The following DTNBP1 variants were observed in gnomAD, a reference collection of about 807,000 sequenced individuals.
DTNBP1 encodes dysbindin.
Under a neutral mutation model 42.8 loss-of-function variants are expected in DTNBP1, and 35 were observed. That is an observed-to-expected ratio of 0.82 (90% CI 0.63 to 1.09). The LOEUF is 1.09. Among genes scored for constraint, DTNBP1 ranks in the 50% least tolerant of loss-of-function variants. The probability of loss-of-function intolerance (pLI) is 0.00; values close to 1 mark genes in which losing one functional copy is unlikely to be tolerated. For missense variants in DTNBP1, 457 were observed against 424.2 expected (o/e 1.08, Z -0.68); for synonymous variants, 171 against 162.2 (o/e 1.05, Z -0.41).
Position 15,552,972 on chromosome 6 carries a change from C to A in DTNBP1, c.512-19577G>T, listed in dbSNP as rs147036353. 1.4e-3 allele frequency among the ~76,000 whole-genome samples: 213 copies of A among 152,210 alleles called. 1 individual carries two copies. The highest frequency in any genetic ancestry group is 4.9e-3 in the African/African-American group (202 of 41,546). Reference sequence around the variant, plus strand: ...AAGAGGGTATAAGATTCAGGAAATACCCCCTTAAGGAAAAAGTTTCATCTA... The same window carrying A: ...AAGAGGGTATAAGATTCAGGAAATAACCCCTTAAGGAAAAAGTTTCATCTA... On this transcript the variant is annotated intron_variant, in intron 7 of 9. Transcript: ENST00000344537.
intron 1 of DTNBP1, among the ~76,000 whole-genome samples, chr6:15,657,742 T>C (rs947189222): frequency 5.9e-5 from 9 of 152,226 alleles, no homozygotes; most frequent in African/African-American, 1.9e-4. Flanking sequence ...GTACCTAAAA[T>C]AGTGCCTGCC....
At chr6:15,629,543 C>T (rs1433260195) in intron 4 of DTNBP1, among the ~76,000 whole-genome samples, 1 of 146,544 alleles carries the variant, frequency 6.8e-6, no homozygotes, top group East Asian at 1.9e-4. Context: ...TCAGAAAACA[C>T]TAAACTATCA....
At chr6:15,626,137 A>G (rs1483683064) in intron 5 of DTNBP1, among the ~76,000 whole-genome samples, 1 of 152,148 alleles carries the variant, frequency 6.6e-6, no homozygotes, top group Non-Finnish European at 1.5e-5. Flanking sequence ...GGATATCATC[A>G]ATGTGGTTGG....
intron 1 of DTNBP1, among the ~76,000 whole-genome samples, chr6:15,654,575 T>C (rs1039532646): frequency 6.6e-6 from 1 of 152,156 alleles, no homozygotes; most frequent in African/African-American, 2.4e-5. Context: ...TTAATTGTAA[T>C]ATGCCAAGTT....
intron 6 of DTNBP1, among the ~76,000 whole-genome samples, chr6:15,610,097 T>A (rs1249952058): frequency 6.6e-6 from 1 of 152,132 alleles, no homozygotes; most frequent in African/African-American, 2.4e-5. Flanking sequence ...TGTGTTAGAG[T>A]CAAGTCTGGA....
At chr6:15,524,139 G>A (rs1415141768) in intron 9 of DTNBP1, 8 of 1,386,194 alleles carry the variant, frequency 5.8e-6, no homozygotes, top group Admixed American at 4.3e-5. Context: ...GCCCCTAAAT[G>A]CCTGTCGCAC....
intron 6 of DTNBP1, among the ~76,000 whole-genome samples, chr6:15,600,953 C>A (rs1776705261): frequency 6.6e-6 from 1 of 152,114 alleles, no homozygotes; most frequent in South Asian, 2.1e-4. Context: ...TTATGGCTGG[C>A]AGATGAGCCA....
At chr6:15,608,679 G>A (rs1561988523) in intron 6 of DTNBP1, among the ~76,000 whole-genome samples, 1 of 152,186 alleles carries the variant, frequency 6.6e-6, no homozygotes, top group Non-Finnish European at 1.5e-5. Context: ...CCACCACACT[G>A]GAGCCCTTGG....
At chr6:15,654,923 C>T (rs865866517) in intron 1 of DTNBP1, among the ~76,000 whole-genome samples, 42 of 152,284 alleles carry the variant, frequency 2.8e-4, no homozygotes, top group Admixed American at 9.2e-4. Flanking sequence ...GACATCAGCA[C>T]TGCATTTATG....
intron 9 of DTNBP1, chr6:15,524,312 T>C (rs537310760): frequency 1.2e-5 from 20 of 1,611,020 alleles, no homozygotes; most frequent in Middle Eastern, 2.2e-4. Flanking sequence ...GAGTGGAGCA[T>C]GTCAAATCTT....
intron 5 of DTNBP1, among the ~76,000 whole-genome samples, chr6:15,619,987 T>C (rs1207448055): frequency 1.3e-5 from 2 of 152,058 alleles, no homozygotes; most frequent in African/African-American, 4.8e-5. Flanking sequence ...CCCTCTCCTC[T>C]CTGCTAGGGT....
At chr6:15,563,154 C>T in intron 7 of DTNBP1, among the ~76,000 whole-genome samples, 1 of 152,180 alleles carries the variant, frequency 6.6e-6, no homozygotes, top group Admixed American at 6.5e-5. Flanking sequence ...CCCATCTTAC[C>T]TCCTACTCAG....
chr6:15,531,971 C>A (rs1486580839), intron 8 of DTNBP1, among the ~76,000 whole-genome samples: 1 of 152,194 alleles, frequency 6.6e-6, no homozygotes, highest in African/African-American at 2.4e-5. Flanking sequence ...GGAGGGGACA[C>A]AGAACTGGAT....
chr6:15,529,164 C>T (rs926427775), intron 8 of DTNBP1, among the ~76,000 whole-genome samples: 6 of 152,092 alleles, frequency 3.9e-5, no homozygotes, highest in African/African-American at 1.4e-4. Context: ...GCACACCTGT[C>T]GTCTCAGCTA....
intron 7 of DTNBP1, among the ~76,000 whole-genome samples, chr6:15,570,858 G>C (rs1367859513): frequency 1.3e-5 from 2 of 152,036 alleles, no homozygotes; most frequent in African/African-American, 4.8e-5. Context: ...GGAAAATAAA[G>C]ACCAATTCAA....
At chr6:15,564,065 G>GAAAAA (rs201105772) in intron 7 of DTNBP1, among the ~76,000 whole-genome samples, 1 of 116,188 alleles carries the variant, frequency 8.6e-6, no homozygotes, top group Non-Finnish European at 1.8e-5. Flanking sequence ...CTTGGTCTCG[G>GAAAAA]AAAAAAAAAA....
chr6:15,590,069 A>G (rs1462567833), intron 7 of DTNBP1, among the ~76,000 whole-genome samples: 1 of 152,018 alleles, frequency 6.6e-6, no homozygotes, highest in Non-Finnish European at 1.5e-5. Context: ...AGTAGCTGGG[A>G]CTATAGGCGC....
At chr6:15,552,888 T>C (rs1001382015) in intron 7 of DTNBP1, among the ~76,000 whole-genome samples, 3 of 152,212 alleles carry the variant, frequency 2.0e-5, no homozygotes, top group African/African-American at 7.2e-5. Context: ...AAGCACAAAG[T>C]AGAAACTCAA....
chr6:15,647,497 C>A (rs1197420874), intron 3 of DTNBP1, among the ~76,000 whole-genome samples: 1 of 150,282 alleles, frequency 6.7e-6, no homozygotes, highest in African/African-American at 2.4e-5. Flanking sequence ...AAGAAAGAAT[C>A]AACATGATTG....
Sources: allele counts gnomAD v4.1 joint callset (sites outside exome capture counted in the v4.1 genomes callset), GRCh38; gene constraint gnomAD v4.1.1; transcripts MANE v1.5; gene names NCBI Gene and HGNC (gene_info 2026-07-23, HGNC 2026-07-21).